FARS2: variants seen among roughly 807,000 people sequenced by gnomAD.
FARS2 encodes the protein phenylalanyl-tRNA synthetase 2, mitochondrial.
FARS2 carries 40 observed loss-of-function variants against 46.4 expected under a neutral mutation model. The ratio of observed to expected loss-of-function variants is 0.86; its 90% CI spans 0.67 to 1.12. FARS2 has a LOEUF of 1.12. FARS2 is among the 50% of genes most tolerant of loss of function. FARS2 has a pLI of 0.00. For missense variants in FARS2, 513 were observed against 567.9 expected, an observed-to-expected ratio of 0.90 and a Z score of 0.98; for synonymous variants, 234 against 214.9, an observed-to-expected ratio of 1.09 and a Z score of -0.78.
chr6:5,681,346 G>A (rs1055906230), intron 6 of FARS2, among the ~76,000 whole-genome samples: 1 of 152,198 alleles, frequency 6.6e-6, no homozygotes, highest in African/African-American at 2.4e-5. Flanking sequence ...GGCTTAAAGG[G>A]TAAAGAGAAG....
chr6:5,551,264 T>TTGCG (rs1771357946), intron 5 of FARS2, among the ~76,000 whole-genome samples: 1 of 152,206 alleles, frequency 6.6e-6, no homozygotes, highest in Admixed American at 6.5e-5. Context: ...CACCTTCCAC[T>TTGCG]AACATGTTCC....
chr6:5,411,460 A>G (rs1224116545), intron 3 of FARS2, among the ~76,000 whole-genome samples: 4 of 152,224 alleles, frequency 2.6e-5, no homozygotes, highest in African/African-American at 9.7e-5. Context: ...AGCAAAGACC[A>G]TTTAAAAACT....
chr6:5,696,806 A>G (rs1401536635), intron 6 of FARS2, among the ~76,000 whole-genome samples: 1 of 152,234 alleles, frequency 6.6e-6, no homozygotes, highest in Non-Finnish European at 1.5e-5. Flanking sequence ...TTCTAAAAAT[A>G]CAATGTGGAA....
chr6:5,744,666 GC>G lies in FARS2; in HGVS notation c.1218-26622del, dbSNP rs201217355. ...GCAGGAGGAAACCCACTCTGGCTCT[GC>G]CCTTGAGCCAAAATGGATAAAGGCC... is the stretch of plus-strand genomic sequence containing the variant. On this transcript the variant is annotated intron_variant, in intron 6 of 6. Transcript: ENST00000274680. Among the ~76,000 whole-genome samples, 1,298 of 152,254 alleles carry G rather than the reference GC, an allele frequency of 8.5e-3. 22 individuals are homozygous for G. The highest frequency in any genetic ancestry group is 0.03 in the African/African-American group (1,228 of 41,546).
At chr6:5,650,477 G>A (rs370454247) in intron 6 of FARS2, among the ~76,000 whole-genome samples, 90 of 151,936 alleles carry the variant, frequency 5.9e-4, no homozygotes, top group Middle Eastern at 3.4e-3. Context: ...AACAAATTGC[G>A]GCATGGTGAG....
intron 6 of FARS2, among the ~76,000 whole-genome samples, chr6:5,685,319 G>T (rs905370323): frequency 6.6e-6 from 1 of 152,152 alleles, no homozygotes; most frequent in African/African-American, 2.4e-5. Flanking sequence ...TTTCCTCTGG[G>T]TCTCTTCACA....
At chr6:5,482,640 G>A (rs1582233581) in intron 4 of FARS2, among the ~76,000 whole-genome samples, 1 of 151,984 alleles carries the variant, frequency 6.6e-6, no homozygotes, top group Non-Finnish European at 1.5e-5. Flanking sequence ...GTCTAGTGGA[G>A]ACAGACAGAG....
At chr6:5,683,611 T>C (rs1280862453) in intron 6 of FARS2, among the ~76,000 whole-genome samples, 3 of 152,024 alleles carry the variant, frequency 2.0e-5, no homozygotes, top group African/African-American at 7.2e-5. Context: ...TTTTCTTTTT[T>C]TTTTTCTTTT....
intron 4 of FARS2, among the ~76,000 whole-genome samples, chr6:5,446,441 T>A (rs1301187193): frequency 1.3e-5 from 2 of 152,182 alleles, no homozygotes; most frequent in East Asian, 3.9e-4. Flanking sequence ...CCCTCTTTTC[T>A]TCCATCCCTG....
At chr6:5,453,245 G>A (rs1764610414) in intron 4 of FARS2, among the ~76,000 whole-genome samples, 1 of 152,122 alleles carries the variant, frequency 6.6e-6, no homozygotes, top group African/African-American at 2.4e-5. Flanking sequence ...AGGGGCAAAA[G>A]GTAAAGGGAA....
At chr6:5,461,231 A>G (rs1266063502) in intron 4 of FARS2, among the ~76,000 whole-genome samples, 1 of 151,772 alleles carries the variant, frequency 6.6e-6, no homozygotes, top group African/African-American at 2.4e-5. Context: ...ATAGAGACAA[A>G]GTTTCACTAC....
chr6:5,466,377 T>C (rs1765515242), intron 4 of FARS2, among the ~76,000 whole-genome samples: 1 of 152,236 alleles, frequency 6.6e-6, no homozygotes, highest in Non-Finnish European at 1.5e-5. Flanking sequence ...GCCTGTGTCA[T>C]TTCTTGGTCT....
intron 6 of FARS2, among the ~76,000 whole-genome samples, chr6:5,686,995 GTCT>G: frequency 6.6e-6 from 1 of 152,334 alleles, no homozygotes; most frequent in African/African-American, 2.4e-5. Flanking sequence ...CTGCATAGAT[GTCT>G]TCTTTTGAGA....
rs528027239 is a variant in FARS2, at chr6:5,381,102, G to T, written c.612+11920G>T. Among the ~76,000 whole-genome samples, 10 of 151,634 alleles carry T rather than the reference G, an allele frequency of 6.6e-5. 1 individual carries two copies. The highest frequency in any genetic ancestry group is 1.2e-4 in the Non-Finnish European group (8 of 67,884). On this transcript the variant is annotated intron_variant, in intron 2 of 6. Transcript: ENST00000274680. ...TGCAAGCTCCACCTCCTGGGTTCAC[G>T]CCATTCTCCTGCCTCAGCCTCCTGA...
chr6:5,381,706 C>T (rs752903015), intron 2 of FARS2, among the ~76,000 whole-genome samples: 14 of 152,248 alleles, frequency 9.2e-5, no homozygotes, highest in Middle Eastern at 3.4e-3. Context: ...TAAGTAGCAA[C>T]GGAAGTTAGG....
chr6:5,312,407 T>G (rs1769140760), intron 1 of FARS2, among the ~76,000 whole-genome samples: 1 of 152,138 alleles, frequency 6.6e-6, no homozygotes, highest in Non-Finnish European at 1.5e-5. Context: ...TGAATTTTCT[T>G]TATTATCTGA....
intron 4 of FARS2, among the ~76,000 whole-genome samples, chr6:5,449,945 A>G (rs1404495879): frequency 1.3e-5 from 2 of 152,226 alleles, no homozygotes; most frequent in Admixed American, 1.3e-4. Context: ...TCCTGAGTAT[A>G]CCAAAATCTG....
At chr6:5,271,561 T>TG (rs138402118) in intron 1 of FARS2, among the ~76,000 whole-genome samples, 1 of 8,314 alleles carries the variant, frequency 1.2e-4, no homozygotes, top group African/African-American at 1.3e-3. Context: ...ACTATGTCTG[T>TG]TTTTTTTTTT....
intron 5 of FARS2, among the ~76,000 whole-genome samples, chr6:5,602,215 CTT>C (rs1162474562): frequency 6.6e-6 from 1 of 152,102 alleles, no homozygotes; most frequent in African/African-American, 2.4e-5. Context: ...CAGAAAGAAA[CTT>C]TACTGAAATA....
Sources: gnomAD v4.1 joint callset for allele counts (sites outside exome capture counted in the v4.1 genomes callset) on GRCh38, gnomAD v4.1.1 for gene constraint, MANE v1.5 for transcripts, NCBI Gene and HGNC (gene_info 2026-07-23, HGNC 2026-07-21) for gene names.